CACNA1E: variants seen among roughly 807,000 people sequenced by gnomAD.
The protein encoded by CACNA1E is calcium voltage-gated channel subunit alpha1 E.
In CACNA1E, 40 loss-of-function variants were observed where a neutral mutation model predicts 259.2. That is an observed-to-expected ratio of 0.15 (90% CI 0.12 to 0.20). The LOEUF (loss-of-function observed/expected upper bound fraction) is 0.20. Ranked by LOEUF, CACNA1E falls within the 10% of genes least tolerant of loss-of-function variation. The probability of loss-of-function intolerance (pLI) is 1.00; values close to 1 mark genes in which losing one functional copy is unlikely to be tolerated. For missense variants in CACNA1E, 1,874 were observed against 3,040.1 expected (o/e 0.62, Z 9.02); for synonymous variants, 1,104 against 1,138.5 (o/e 0.97, Z 0.61).
intron 6 of CACNA1E, among the ~76,000 whole-genome samples, chr1:181,596,597 T>TGTGTGTGC (rs1553293354): frequency 6.9e-6 from 1 of 144,636 alleles, no homozygotes; most frequent in Non-Finnish European, 1.5e-5. Flanking sequence ...TGTGTGTGTG[T>TGTGTGTGC]ACACACACAT....
chr1:181,727,517 A>G (rs986039699), intron 18 of CACNA1E, among the ~76,000 whole-genome samples: 8 of 152,240 alleles, frequency 5.3e-5, no homozygotes, highest in Non-Finnish European at 7.3e-5. Context: ...TGGACTAGGG[A>G]GAGAACAGGA....
intron 34 of CACNA1E, among the ~76,000 whole-genome samples, chr1:181,766,061 C>G (rs977631235): frequency 6.6e-6 from 1 of 152,172 alleles, no homozygotes; most frequent in Non-Finnish European, 1.5e-5. Context: ...TAGGAACTTA[C>G]AAACAAGTGA....
Position 181,717,210 on chromosome 1 carries a change from T to C in CACNA1E, c.1433T>C (p.Phe478Ser). The change falls in exon 11 of 48, where the codon TTT becomes TCT. Residue 478 changes from phenylalanine to serine, a missense_variant. By Grantham distance (155) the Phe-to-Ser change is radical. Coordinates refer to ENST00000367573, the MANE Select transcript of CACNA1E (RefSeq NM_001205293.3). ...CGCCACATGGTTAAATCCCAGGTGTTTTACTGGATTGTGCTGAGCCTTGTG... is the reference window on the plus strand; with the variant it reads ...CGCCACATGGTTAAATCCCAGGTGTCTTACTGGATTGTGCTGAGCCTTGTG... ...SIRHMVKSQVFYWIVLSLVAL... is the reference protein window; with the variant it reads ...SIRHMVKSQVSYWIVLSLVAL... 1 of 1,614,002 alleles carries C rather than the reference T, an allele frequency of 6.2e-7. No individual in the cohort carries two copies.
intron 7 of CACNA1E, among the ~76,000 whole-genome samples, chr1:181,672,896 C>T (rs1365881100): frequency 6.6e-6 from 1 of 152,148 alleles, no homozygotes; most frequent in Admixed American, 6.5e-5. Flanking sequence ...CTTTTCTCTT[C>T]CCTGTCCTTC....
Position 181,796,689 on chromosome 1 carries a change from G to T in CACNA1E, c.6230G>T (p.Arg2077Leu), listed in dbSNP as rs759720068. Reference protein sequence around the residue: ...SDSGHKSDTHRSGGRERGRSK... With the variant: ...SDSGHKSDTHLSGGRERGRSK... ...ACAGGCCACAAGTCTGACACTCACCGCTCAGGGGGCAGGGAGCGGGGACGA... is the reference window on the plus strand; with the variant it reads ...ACAGGCCACAAGTCTGACACTCACCTCTCAGGGGGCAGGGAGCGGGGACGA... Residue 2077 changes from arginine (R) to leucine (L), a missense_variant, in exon 47 of 48, where the codon CGC (arginine) becomes CTC (leucine). Around this residue, in one of 14 missense-constraint regions of CACNA1E, gnomAD observed 542 missense variants for 587.2 expected, o/e 0.92. Transcript: ENST00000367573. The T allele has an allele frequency of 1.9e-6, 3 of 1,603,794 alleles. No homozygotes were observed. Among genetic ancestry groups the T allele is most frequent in the African/African-American group, 2.7e-5 (2 of 74,764 alleles).
Position 181,635,543 on chromosome 1 carries a change from ACTT to A in CACNA1E, c.952-15791_952-15789del, listed in dbSNP as rs539458482. On this transcript the variant is annotated intron_variant, in intron 6 of 47. Transcript: ENST00000367573. ...TAGCAGCTAAAGCTACTCATGGTAG[ACTT>A]CTTATTTATATTATACTTTAGCAAG... Among the ~76,000 whole-genome samples, 8 of 152,162 alleles carry A rather than the reference ACTT, an allele frequency of 5.3e-5. No homozygotes were observed. In the East Asian group the frequency reaches 1.5e-3, roughly 29 times the overall value.
intron 2 of CACNA1E, among the ~76,000 whole-genome samples, chr1:181,451,982 T>C (rs980883542): frequency 6.6e-6 from 1 of 152,206 alleles, no homozygotes; most frequent in Non-Finnish European, 1.5e-5. Context: ...GCGAGATAAA[T>C]GTCTCTTGGA....
At position 181,649,373 on chromosome 1, in the gene CACNA1E, T is replaced by A. The variant is rs1323423122; in HGVS notation, c.952-1965T>A. On this transcript the variant is annotated intron_variant, in intron 6 of 47. Transcript: ENST00000367573. ...TGCAATTATCTCTCTCTGAATAGTG[T>A]AGGGGCAAAAAAAAAAAGACACAAG... Among the ~76,000 whole-genome samples the A allele has an allele frequency of 3.3e-5, 5 of 150,572 alleles. No individual in the cohort carries two copies. In the East Asian group the frequency reaches 9.7e-4, roughly 29 times the overall value.
rs1650682617 is a variant in CACNA1E at position 181,325,318 on chromosome 1, C to T, written c.-15+7195C>T. ...TTTATCATGCTTCCTGCCCTTAGAC[C>T]CTAGAGCTCAGACCTCACGGCCCTT... is the stretch of plus-strand genomic sequence containing the variant. On this transcript the variant is annotated intron_variant, in intron 1 of 11. Transcript: ENST00000524607. 2.0e-5 allele frequency among the ~76,000 whole-genome samples: 3 copies of T among 152,186 alleles called. No individual in the cohort carries two copies. The East Asian group carries it at 5.8e-4, about 29-fold the overall frequency.
intron 6 of CACNA1E, among the ~76,000 whole-genome samples, chr1:181,632,714 C>T (rs575805422): frequency 3.5e-4 from 52 of 150,558 alleles, no homozygotes; most frequent in Admixed American, 2.1e-3. Flanking sequence ...GTGTCAACAC[C>T]GTGGAAATGA....
chr1:181,537,878 A>C (rs1400493056), intron 3 of CACNA1E, among the ~76,000 whole-genome samples: 1 of 152,258 alleles, frequency 6.6e-6, no homozygotes, highest in Non-Finnish European at 1.5e-5. Flanking sequence ...GGGGCTACCT[A>C]CTATGTAGGA....
intron 21 of CACNA1E, among the ~76,000 whole-genome samples, chr1:181,734,587 T>C (rs1201885075): frequency 2.0e-3 from 225 of 111,196 alleles, no homozygotes; most frequent in Middle Eastern, 6.4e-3. Flanking sequence ...TTATGAATTC[T>C]ACACCCTATC....
intron 5 of CACNA1E, 116 bp from the exon 6 acceptor site, chr1:181,580,479 G>A (rs1651416160): frequency 1.1e-6 from 1 of 952,360 alleles, no homozygotes. Flanking sequence ...AGACAAAAAA[G>A]GGCAGGCCTC....
At chr1:181,407,496 TC>T (rs988179587) in intron 1 of CACNA1E, among the ~76,000 whole-genome samples, 2 of 152,140 alleles carry the variant, frequency 1.3e-5, no homozygotes, top group African/African-American at 4.8e-5. Flanking sequence ...CAATGTAGGT[TC>T]CTGAACCCAC....
chr1:181,754,512 C>T (rs530736053), intron 27 of CACNA1E, among the ~76,000 whole-genome samples: 116 of 152,268 alleles, frequency 7.6e-4, no homozygotes, highest in Non-Finnish European at 1.5e-3. Flanking sequence ...CAGCTTAGGG[C>T]CTAGAGTGGA....
chr1:181,617,847 C>T (rs750992933), intron 6 of CACNA1E, among the ~76,000 whole-genome samples: 1 of 152,212 alleles, frequency 6.6e-6, no homozygotes, highest in Non-Finnish European at 1.5e-5. Context: ...TTGGATGTGC[C>T]ATTAGGGCTT....
chr1:181,724,588 C>G (rs1211873685), intron 17 of CACNA1E, 51 bp downstream of exon 17: 4 of 1,440,274 alleles, frequency 2.8e-6, no homozygotes, highest in Non-Finnish European at 3.9e-6. Flanking sequence ...CATTGGGTAC[C>G]CTTTGGCCTT....
intron 45 of CACNA1E, 60 bp downstream of exon 45, chr1:181,793,853 G>T: frequency 6.5e-7 from 1 of 1,546,628 alleles, no homozygotes; most frequent in African/African-American, 1.4e-5. Flanking sequence ...CTGGGTTATG[G>T]AATAATATCT....
intron 6 of CACNA1E, 29 bp downstream of exon 6, chr1:181,580,805 G>A: frequency 1.2e-6 from 2 of 1,606,920 alleles, no homozygotes; most frequent in Non-Finnish European, 1.7e-6. Flanking sequence ...GACCTGGAAG[G>A]AGGAGGGAAG....
Sources: allele counts gnomAD v4.1 joint callset (sites outside exome capture counted in the v4.1 genomes callset), GRCh38; gene constraint gnomAD v4.1.1; regional missense constraint gnomAD v4.1.1; transcripts MANE v1.5; gene names NCBI Gene and HGNC (gene_info 2026-07-23, HGNC 2026-07-21).